The following GSG1L variants were observed in gnomAD, a reference collection of about 807,000 sequenced individuals.
GSG1L encodes germ cell-specific gene 1-like protein.
A neutral mutation model predicts 42.1 loss-of-function variants in GSG1L; 24 were observed. The ratio of observed to expected loss-of-function variants is 0.57; its 90% CI spans 0.41 to 0.80. The LOEUF (loss-of-function observed/expected upper bound fraction) is 0.80, where lower values mean the gene tolerates loss of function less well. Ranked by LOEUF, GSG1L falls within the 30% of genes least tolerant of loss-of-function variation. The pLI, the probability that GSG1L is intolerant of heterozygous loss-of-function variation, is 0.00. For missense variants in GSG1L, 445 were observed against 472.2 expected (o/e 0.94, Z 0.53); for synonymous variants, 215 against 203.5 (o/e 1.06, Z -0.48).
intron 1 of GSG1L, among the ~76,000 whole-genome samples, chr16:28,051,785 G>T (rs1194928257): frequency 6.6e-6 from 1 of 152,218 alleles, no homozygotes; most frequent in African/African-American, 2.4e-5. Context: ...TAACGGGGCA[G>T]GTGATGGCAG....
intron 2 of GSG1L, among the ~76,000 whole-genome samples, chr16:27,954,267 G>A (rs1250679472): frequency 2.6e-5 from 4 of 152,130 alleles, no homozygotes; most frequent in Non-Finnish European, 5.9e-5. Flanking sequence ...AAGAGGATGT[G>A]ACAAGAGATA....
At chr16:28,032,968 G>A (rs138713848) in intron 1 of GSG1L, among the ~76,000 whole-genome samples, 3 of 152,228 alleles carry the variant, frequency 2.0e-5, no homozygotes, top group Admixed American at 6.5e-5. Flanking sequence ...TGTAAGCCAC[G>A]TCCTGTCACC....
chr16:28,005,247 G>T (rs2085625937), intron 1 of GSG1L, among the ~76,000 whole-genome samples: 3 of 152,096 alleles, frequency 2.0e-5, no homozygotes, highest in Admixed American at 2.0e-4. Flanking sequence ...CCAAGTAGCT[G>T]GGATTACAGG....
At chr16:28,053,668 G>A (rs545195524) in intron 1 of GSG1L, among the ~76,000 whole-genome samples, 2 of 152,264 alleles carry the variant, frequency 1.3e-5, no homozygotes, top group South Asian at 4.1e-4. Context: ...CCCCTCGCTC[G>A]CCTCTCTCCT....
intron 1 of GSG1L, among the ~76,000 whole-genome samples, chr16:28,016,651 C>T (rs575990611): frequency 3.2e-4 from 48 of 152,306 alleles, no homozygotes; most frequent in African/African-American, 1.2e-3. Flanking sequence ...CTCAACCCCA[C>T]CAAAACACTA....
Position 27,978,418 on chromosome 16 carries a change from C to T in GSG1L, c.350-15215G>A, listed in dbSNP as rs150787353. Among the ~76,000 whole-genome samples, 937 of 150,296 alleles carry T rather than the reference C, an allele frequency of 6.2e-3. 6 individuals are homozygous for T. The highest frequency in any genetic ancestry group is 1.0e-2 in the Non-Finnish European group (674 of 67,460). ...TCAAATCCCCACTGTGCCAGCTGGG[C>T]GCAGTGGCTCACGCCTGTAATCCCA... On this transcript the variant is annotated intron_variant, in intron 1 of 6. Transcript: ENST00000447459.
chr16:27,798,997 G>C (rs2144404660), intron 6 of GSG1L, among the ~76,000 whole-genome samples: 1 of 152,278 alleles, frequency 6.6e-6, no homozygotes. Flanking sequence ...TCATGCACCA[G>C]AAACATACTG....
chr16:27,953,071 T>C (rs191171080), intron 2 of GSG1L, among the ~76,000 whole-genome samples: 109 of 152,360 alleles, frequency 7.2e-4, no homozygotes, highest in Admixed American at 6.5e-4. Context: ...ATCCATGTTG[T>C]GAGCAGTCAT....
intron 2 of GSG1L, chr16:27,887,945 G>A (rs1434937767): frequency 2.7e-5 from 7 of 258,592 alleles, no homozygotes; most frequent in African/African-American, 1.1e-4. Flanking sequence ...CCAGCCCTTC[G>A]CTGGCCCAAG....
At chr16:27,806,197 G>A (rs1232571685) in intron 6 of GSG1L, among the ~76,000 whole-genome samples, 2 of 152,100 alleles carry the variant, frequency 1.3e-5, no homozygotes, top group South Asian at 2.1e-4. Context: ...AAACCATGAT[G>A]TGTGAGCCCA....
chr16:27,821,418 GC>G (rs1405527329), intron 5 of GSG1L, among the ~76,000 whole-genome samples: 1 of 151,980 alleles, frequency 6.6e-6, no homozygotes, highest in African/African-American at 2.4e-5. Flanking sequence ...AGGTGGTTTT[GC>G]AACCCTTGCC....
At chr16:28,038,963 T>C (rs1481081741) in intron 1 of GSG1L, among the ~76,000 whole-genome samples, 2 of 152,150 alleles carry the variant, frequency 1.3e-5, no homozygotes, top group Non-Finnish European at 2.9e-5. Flanking sequence ...GTTGTTTTCA[T>C]TTACATATAG....
At chr16:27,987,894 C>A (rs951191432) in intron 1 of GSG1L, among the ~76,000 whole-genome samples, 2 of 136,866 alleles carry the variant, frequency 1.5e-5, no homozygotes, top group African/African-American at 2.8e-5. Flanking sequence ...TTGCAGTGAG[C>A]CGAAATCGTG....
At chr16:27,988,364 G>C (rs2085411981) in intron 1 of GSG1L, among the ~76,000 whole-genome samples, 1 of 151,854 alleles carries the variant, frequency 6.6e-6, no homozygotes, top group Non-Finnish European at 1.5e-5. Flanking sequence ...TGTATTTTAG[G>C]TTAAGAAATG....
At chr16:27,929,532 G>A (rs182902279) in intron 2 of GSG1L, among the ~76,000 whole-genome samples, 30 of 152,242 alleles carry the variant, frequency 2.0e-4, no homozygotes, top group African/African-American at 6.5e-4. Flanking sequence ...ATCTGCCTGC[G>A]AATAAAGCCG....
chr16:28,022,273 G>A (rs2085852927), intron 1 of GSG1L, among the ~76,000 whole-genome samples: 1 of 152,062 alleles, frequency 6.6e-6, no homozygotes, highest in Admixed American at 6.6e-5. Flanking sequence ...GGTTCAATCA[G>A]GGATAAATCA....
chr16:27,822,471 C>T (rs1278967021), intron 5 of GSG1L, among the ~76,000 whole-genome samples: 1 of 152,146 alleles, frequency 6.6e-6, no homozygotes, highest in Non-Finnish European at 1.5e-5. Context: ...GGTGGGAGAG[C>T]AGCGGCGCCA....
chr16:27,895,750 C>T (rs2084184651), intron 2 of GSG1L, among the ~76,000 whole-genome samples: 1 of 152,150 alleles, frequency 6.6e-6, no homozygotes, highest in African/African-American at 2.4e-5. Context: ...GACGCTCACT[C>T]GGAATCTTCC....
rs535027910 is a variant in GSG1L, at chr16:27,795,725, G to A, written c.899-4258C>T. Reference sequence around the variant, plus strand: ...TTCCATTTTCTGGGAACCTCCCAAGGTTAGCAGAGTATTTGACCACAGGAG... The same window carrying A: ...TTCCATTTTCTGGGAACCTCCCAAGATTAGCAGAGTATTTGACCACAGGAG... On this transcript the variant is annotated intron_variant, in intron 6 of 6. Transcript: ENST00000447459. Among the ~76,000 whole-genome samples, 45 of 152,292 alleles carry A rather than the reference G, an allele frequency of 3.0e-4. No individual in the cohort carries two copies. The South Asian group carries it at 4.4e-3, about 15-fold the overall frequency.
Sources: gnomAD v4.1 joint callset for allele counts (sites outside exome capture counted in the v4.1 genomes callset) on GRCh38, gnomAD v4.1.1 for gene constraint, MANE v1.5 for transcripts, NCBI Gene and HGNC (gene_info 2026-07-23, HGNC 2026-07-21) for gene names.